CEP85L: variants seen among roughly 807,000 people sequenced by gnomAD.
The protein encoded by CEP85L is centrosomal protein of 85 kDa-like.
A neutral mutation model predicts 100.3 loss-of-function variants in CEP85L; 60 were observed. The observed-to-expected ratio is 0.60, with a 90% CI of 0.49 to 0.74. CEP85L has a LOEUF of 0.74. Among genes scored for constraint, CEP85L ranks in the 30% least tolerant of loss-of-function variants. The pLI, the probability that CEP85L is intolerant of heterozygous loss-of-function variation, is 0.00. For synonymous variants in CEP85L, 319 were observed against 322.7 expected (o/e 0.99, Z 0.12); for missense variants, 973 against 936.2 (o/e 1.04, Z -0.51).
At position 118,554,654 on chromosome 6, in the gene CEP85L, C is replaced by A. The variant is rs547022012; in HGVS notation, c.1020+10875G>T. ...ATTGTGCTATAATCTGACAGATATCCTCATATAGATAACACTAAAGCCCTA... is the reference window on the plus strand; with the variant it reads ...ATTGTGCTATAATCTGACAGATATCATCATATAGATAACACTAAAGCCCTA... On this transcript the variant is annotated intron_variant, in intron 3 of 12. Transcript: ENST00000368491. 4.0e-4 allele frequency among the ~76,000 whole-genome samples: 61 copies of A among 152,264 alleles called. 1 individual carries two copies. The South Asian group carries it at 0.012, about 31-fold the overall frequency.
chr6:118,482,836 T>C (rs1562184588), intron 7 of CEP85L, among the ~76,000 whole-genome samples: 2 of 151,894 alleles, frequency 1.3e-5, no homozygotes, highest in South Asian at 4.2e-4. Context: ...TATAAATTAA[T>C]GTAAAATAAA....
intron 3 of CEP85L, among the ~76,000 whole-genome samples, chr6:118,527,122 C>T (rs1777022115): frequency 6.8e-6 from 1 of 146,254 alleles, no homozygotes; most frequent in Admixed American, 7.0e-5. Flanking sequence ...TCAAGCGATT[C>T]TCCTGCCTCG....
intron 1 of CEP85L, among the ~76,000 whole-genome samples, chr6:118,662,632 G>A (rs1277573004): frequency 6.6e-6 from 1 of 152,118 alleles, no homozygotes; most frequent in Non-Finnish European, 1.5e-5. Flanking sequence ...TAGTTAATTA[G>A]TGGCAGAGTA....
At chr6:118,694,382 G>A (rs927788514) in intron 1 of CEP85L, among the ~76,000 whole-genome samples, 1 of 152,162 alleles carries the variant, frequency 6.6e-6, no homozygotes, top group East Asian at 1.9e-4. Flanking sequence ...AGGAAAATTA[G>A]TTAAAATATA....
intron 5 of CEP85L, chr6:118,502,097 G>T (rs1277784916): frequency 2.1e-6 from 2 of 968,748 alleles, no homozygotes; most frequent in Admixed American, 2.3e-5. Context: ...CCAGAATACT[G>T]CCCTATGAGA....
At chr6:118,586,039 T>C (rs1438860646) in intron 2 of CEP85L, among the ~76,000 whole-genome samples, 1 of 152,080 alleles carries the variant, frequency 6.6e-6, no homozygotes, top group Non-Finnish European at 1.5e-5. Context: ...AAAGTGACAA[T>C]GGGCCCTCAT....
chr6:118,536,960 G>C (rs1777629578), intron 3 of CEP85L, among the ~76,000 whole-genome samples: 2 of 152,114 alleles, frequency 1.3e-5, no homozygotes, highest in African/African-American at 4.8e-5. Flanking sequence ...AACTGGCTTT[G>C]AGAAGCATAC....
rs572808868 is a variant in CEP85L at position 118,594,010 on chromosome 6, C to A, written c.233-27694G>T. Among the ~76,000 whole-genome samples the A allele has an allele frequency of 2.6e-5, 4 of 152,238 alleles. No individual in the cohort carries two copies. In the East Asian group the frequency reaches 5.8e-4, roughly 22 times the overall value. On this transcript the variant is annotated intron_variant, in intron 2 of 12. Coordinates refer to ENST00000368491, the MANE Select transcript of CEP85L (RefSeq NM_001042475.3). ...TCTGCCAGGAGTCTTTTCCCTAATC[C>A]CCTGGACTTCTGTATGTCCCTCTGT...
intron 1 of CEP85L, among the ~76,000 whole-genome samples, chr6:118,686,238 A>T (rs1776826382): frequency 6.6e-6 from 1 of 152,120 alleles, no homozygotes; most frequent in Non-Finnish European, 1.5e-5. Context: ...GTATCATTTA[A>T]ATACCTTTAA....
intron 2 of CEP85L, among the ~76,000 whole-genome samples, chr6:118,626,107 A>G (rs1773774694): frequency 6.6e-6 from 1 of 152,160 alleles, no homozygotes; most frequent in Non-Finnish European, 1.5e-5. Flanking sequence ...GGGGGGACTG[A>G]GAGGTGATGC....
intron 5 of CEP85L, among the ~76,000 whole-genome samples, chr6:118,500,648 C>G (rs980925531): frequency 2.0e-5 from 3 of 152,202 alleles, no homozygotes; most frequent in Non-Finnish European, 2.9e-5. Flanking sequence ...ACTCTTTTGT[C>G]TTTGTCTTTT....
At chr6:118,582,320 T>C (rs187676808) in intron 2 of CEP85L, among the ~76,000 whole-genome samples, 19 of 152,224 alleles carry the variant, frequency 1.2e-4, no homozygotes, top group Admixed American at 3.9e-4. Context: ...CTCCGATAAG[T>C]ATATAGAAAT....
chr6:118,688,869 C>T (rs182655662), intron 1 of CEP85L, among the ~76,000 whole-genome samples: 1 of 152,322 alleles, frequency 6.6e-6, no homozygotes, highest in East Asian at 1.9e-4. Context: ...CTCTTATGCC[C>T]TAGAGCCATT....
At chr6:118,704,961 T>C (rs12189671) in intron 1 of CEP85L, among the ~76,000 whole-genome samples, 9,297 of 152,272 alleles carry the variant, frequency 0.061, 613 homozygotes, top group African/African-American at 0.16. Context: ...TTTCTGTTCA[T>C]GCTTTTTCCC....
intron 5 of CEP85L, among the ~76,000 whole-genome samples, chr6:118,503,305 GAATA>G (rs1775425993): frequency 6.6e-6 from 1 of 152,142 alleles, no homozygotes; most frequent in Non-Finnish European, 1.5e-5. Flanking sequence ...CTAAATAAAT[GAATA>G]GATATTCCAT....
At chr6:118,493,103 T>C (rs538497864) in intron 5 of CEP85L, among the ~76,000 whole-genome samples, 1 of 152,224 alleles carries the variant, frequency 6.6e-6, no homozygotes, top group East Asian at 1.9e-4. Context: ...GTAGGATACA[T>C]GAAGACATTG....
At chr6:118,549,015 C>A (rs1397113081) in intron 3 of CEP85L, among the ~76,000 whole-genome samples, 2 of 151,818 alleles carry the variant, frequency 1.3e-5, no homozygotes, top group African/African-American at 2.4e-5. Context: ...TAAAAAAATT[C>A]CATGCTATTA....
chr6:118,589,490 C>G (rs1781056343), intron 2 of CEP85L: 1 of 255,448 alleles, frequency 3.9e-6, no homozygotes, highest in African/African-American at 2.3e-5. Context: ...ACAGCTGTGT[C>G]CCCTGGGAAA....
chr6:118,601,178 A>G (rs1393480648), intron 2 of CEP85L, among the ~76,000 whole-genome samples: 1 of 152,208 alleles, frequency 6.6e-6, no homozygotes. Context: ...TGCCTACCTC[A>G]TATGGTTATT....
Sources: allele counts gnomAD v4.1 joint callset (sites outside exome capture counted in the v4.1 genomes callset), GRCh38; gene constraint gnomAD v4.1.1; transcripts MANE v1.5; gene names NCBI Gene and HGNC (gene_info 2026-07-23, HGNC 2026-07-21).